The following FAM193B variants were observed in gnomAD, a reference collection of about 807,000 sequenced individuals.
The protein encoded by FAM193B is protein FAM193B.
A neutral mutation model predicts 70.7 loss-of-function variants in FAM193B; 27 were observed. That is an observed-to-expected ratio of 0.38 (90% CI 0.28 to 0.53). The LOEUF is 0.53. Among genes scored for constraint, FAM193B ranks in the 20% least tolerant of loss-of-function variants. The pLI, the probability that FAM193B is intolerant of heterozygous loss-of-function variation, is 0.81. For missense variants in FAM193B, 1,022 were observed against 1,072.5 expected (o/e 0.95, Z 0.66); for synonymous variants, 448 against 436.0 (o/e 1.03, Z -0.34).
intron 1 of FAM193B, among the ~76,000 whole-genome samples, chr5:177,541,059 T>C (rs1264572656): frequency 1.3e-5 from 2 of 152,118 alleles, no homozygotes; most frequent in Admixed American, 1.3e-4. Flanking sequence ...ACAAGGAACT[T>C]AGAAAAAGAG....
chr5:177,530,534 C>T (rs539744494), intron 5 of FAM193B, among the ~76,000 whole-genome samples: 24 of 152,338 alleles, frequency 1.6e-4, no homozygotes, highest in African/African-American at 5.8e-4. Context: ...CCTTGGCCTG[C>T]GTTTCCTGCC....
intron 1 of FAM193B, among the ~76,000 whole-genome samples, chr5:177,547,628 G>A (rs1296992892): frequency 2.6e-5 from 4 of 152,142 alleles, no homozygotes; most frequent in Non-Finnish European, 5.9e-5. Context: ...CTAGACAAGT[G>A]ACTTCAAGGC....
At chr5:177,526,023 G>C (rs1762547733) in intron 5 of FAM193B, among the ~76,000 whole-genome samples, 1 of 152,216 alleles carries the variant, frequency 6.6e-6, no homozygotes, top group African/African-American at 2.4e-5. Flanking sequence ...TGGTGCGCCT[G>C]GCGCCATTGA....
chr5:177,526,381 G>A (rs1353502642), intron 5 of FAM193B, among the ~76,000 whole-genome samples: 1 of 152,172 alleles, frequency 6.6e-6, no homozygotes, highest in Non-Finnish European at 1.5e-5. Flanking sequence ...GGGCTTCGTG[G>A]CCCTCAGGGA....
chr5:177,554,003 G>C (rs543731877), intron 1 of FAM193B: 1 of 1,294,936 alleles, frequency 7.7e-7, no homozygotes, highest in Non-Finnish European at 9.9e-7. Context: ...CGGAACGCCC[G>C]GAGGCGGCGG....
chr5:177,533,462 G>A lies in FAM193B; in HGVS notation c.1077-821C>T, dbSNP rs575725456. The stretch of plus-strand genomic sequence containing the variant: ...TGGGACTACAGGCGCCCGCAACCAC[G>A]CCCGGCTAATTTTCTTGTATTTTTA... On this transcript the variant is annotated intron_variant, in intron 4 of 8. Transcript: ENST00000514747. Among the ~76,000 whole-genome samples, 225 of 152,092 alleles carry A rather than the reference G, an allele frequency of 1.5e-3. 1 individual carries two copies. In the Middle Eastern group the frequency reaches 0.024, roughly 16 times the overall value.
Position 177,538,073 on chromosome 5 carries a change from G to C in FAM193B, c.488C>G (p.Ser163Cys). 1 of 1,549,766 alleles carries C rather than the reference G, an allele frequency of 6.5e-7. No homozygotes were observed. Among genetic ancestry groups the C allele is most frequent in the South Asian group, 1.2e-5 (1 of 84,012 alleles). The stretch of plus-strand genomic sequence containing the variant: ...GGACGAATGAGAGTCATCTCCACAA[G>C]ACTGTGATTTGCAGGATGTGTGTGA... ...SLSHTSCKSQ[S>C]CGDDSHSSSS... Residue 163 changes from serine (S) to cysteine (C), a missense_variant, in exon 3 of 9, where the codon TCT (serine) becomes TGT (cysteine). Transcript: ENST00000514747. This position sits in a 1 kb window ranked among gnomAD's most constrained non-coding sequence, Gnocchi z 4.1.
chr5:177,536,322 T>C (rs1764151982), intron 4 of FAM193B, 36 bp downstream of exon 4: 3 of 1,599,714 alleles, frequency 1.9e-6, no homozygotes, highest in Non-Finnish European at 1.7e-6. Context: ...TAAGTTCAAG[T>C]GGGTAGCGAG....
chr5:177,531,253 C>A, intron 5 of FAM193B: 1 of 1,246,404 alleles, frequency 8.0e-7, no homozygotes, highest in Admixed American at 2.9e-5. Context: ...GGAGGAGAGA[C>A]GGCAGAGCTG....
At chr5:177,522,349 C>T (rs1424874214) in intron 7 of FAM193B, among the ~76,000 whole-genome samples, 1 of 152,164 alleles carries the variant, frequency 6.6e-6, no homozygotes, top group Non-Finnish European at 1.5e-5. Context: ...AGGCTGGCTT[C>T]CGTCATTCCC....
At chr5:177,553,522 G>A (rs905562340) in intron 1 of FAM193B, 4 of 1,145,108 alleles carry the variant, frequency 3.5e-6, no homozygotes, top group Non-Finnish European at 4.4e-6. Flanking sequence ...TTGCTCAAAA[G>A]AAAGTGACCT....
chr5:177,533,557 C>T (rs1477933342), intron 4 of FAM193B, among the ~76,000 whole-genome samples: 4 of 152,170 alleles, frequency 2.6e-5, no homozygotes, highest in African/African-American at 4.8e-5. Flanking sequence ...CCACCTGCCT[C>T]GGCCTCCCAA....
At chr5:177,528,227 A>G (rs28494836) in intron 5 of FAM193B, among the ~76,000 whole-genome samples, 151,056 of 152,324 alleles carry the variant, frequency 0.99, 74,923 homozygotes, top group East Asian at 1. Flanking sequence ...CTAACACGAT[A>G]GGAACAGCAG....
At position 177,539,221 on chromosome 5, in the gene FAM193B, T is replaced by TA. The variant is rs1333378037; in HGVS notation, c.211-75dup. The TA allele has an allele frequency of 2.1e-6, 3 of 1,448,888 alleles. No homozygotes were observed. The African/African-American group carries it at 4.3e-5, about 21-fold the overall frequency. 89.8% of individuals were successfully genotyped at this position (1,448,888 alleles called of 1,614,324 possible). A position where few individuals can be genotyped will look rare whatever the true frequency, so the allele number is the denominator to read the frequency against. On this transcript the variant is annotated intron_variant, in intron 1 of 8. Coordinates refer to ENST00000514747, the MANE Select transcript of FAM193B (RefSeq NM_001190946.3). Reference sequence around the variant, plus strand: ...TTCAAAATAATAGTAACAATATTAGTAATGCCACTTATTACGTGCCAGGCA... The same window carrying TA: ...TTCAAAATAATAGTAACAATATTAGTAAATGCCACTTATTACGTGCCAGGCA...
rs1762294387 is a variant in FAM193B, at chr5:177,524,572, C to T, written c.1909G>A (p.Gly637Ser). ...PVSSGGKPQK[G>S]KRQGSQAKKS... ...TTGGCCTGACTGCCCTGCCTCTTGC[C>T]CTTCTGTGGCTTCCCACCTGAGGAC... The change falls in exon 6 of 9, where the codon GGC (glycine) becomes AGC (serine). Residue 637 changes from glycine (G) to serine (S), a missense_variant. Transcript: ENST00000514747. 6.2e-7 allele frequency: 1 copy of T among 1,609,838 alleles called. No homozygotes were observed. Among genetic ancestry groups the T allele is most frequent in the Non-Finnish European group, 8.5e-7 (1 of 1,178,156 alleles).
At chr5:177,520,788 C>A (rs1012149964) in intron 8 of FAM193B, among the ~76,000 whole-genome samples, 3 of 152,152 alleles carry the variant, frequency 2.0e-5, no homozygotes, top group Non-Finnish European at 4.4e-5. Flanking sequence ...CACCTTGGAT[C>A]TGGAAGATAC....
chr5:177,533,526 C>T (rs540278585), intron 4 of FAM193B, among the ~76,000 whole-genome samples: 2 of 152,232 alleles, frequency 1.3e-5, no homozygotes, highest in South Asian at 4.1e-4. Flanking sequence ...AGGATGGTCT[C>T]GATCTCCTGA....
At chr5:177,521,628 T>C (rs191535408) in intron 8 of FAM193B, among the ~76,000 whole-genome samples, 67 of 152,200 alleles carry the variant, frequency 4.4e-4, no homozygotes, top group Non-Finnish European at 8.4e-4. Context: ...GCCCCATGGG[T>C]CTGATGGCTA....
chr5:177,524,289 T>A lies in FAM193B; in HGVS notation c.2192A>T (p.Glu731Val), dbSNP rs1026008586. Residue 731 changes from glutamate to valine, a missense_variant, in exon 6 of 9, where the codon GAG becomes GTG. Coordinates refer to ENST00000514747, the MANE Select transcript of FAM193B (RefSeq NM_001190946.3). ...TGCTGGGCCTGAGGGCTGCACAGAC[T>A]CCTGCTCCTGAGGCCGTGCCTTGGC... ...GEAKARPQEQ[E>V]SVQPSGPARP... is the part of the protein sequence containing the mutation. 1 of 1,584,958 alleles carries A rather than the reference T, an allele frequency of 6.3e-7. No individual in the cohort carries two copies. Among genetic ancestry groups the A allele is most frequent in the South Asian group, 1.1e-5 (1 of 87,108 alleles).
Sources: allele counts gnomAD v4.1 joint callset (sites outside exome capture counted in the v4.1 genomes callset), GRCh38; gene constraint gnomAD v4.1.1; non-coding constraint Gnocchi (gnomAD v3.1); transcripts MANE v1.5; gene names NCBI Gene and HGNC (gene_info 2026-07-23, HGNC 2026-07-21).